The following CYP2C19 variants were observed in gnomAD, a reference collection of about 807,000 sequenced individuals.
CYP2C19 encodes the protein cytochrome P450 family 2 subfamily C member 19, also known as cytochrome P450 2C19.
A neutral mutation model predicts 40.9 loss-of-function variants in CYP2C19; 59 were observed. The ratio of observed to expected loss-of-function variants is 1.44; its 90% CI spans 1.17 to 1.79. The LOEUF (loss-of-function observed/expected upper bound fraction) is 1.79, where lower values mean the gene tolerates loss of function less well. CYP2C19 is among the 40% of genes most tolerant of loss of function. CYP2C19 has a pLI of 0.00. For missense variants in CYP2C19, 754 were observed against 596.9 expected, an observed-to-expected ratio of 1.26 and a Z score of -2.74; for synonymous variants, 253 against 208.7, an observed-to-expected ratio of 1.21 and a Z score of -1.83.
At chr10:94,771,979 A>G (rs1414307876) in intron 1 of CYP2C19, among the ~76,000 whole-genome samples, 1 of 152,166 alleles carries the variant, frequency 6.6e-6, no homozygotes, top group African/African-American at 2.4e-5. Context: ...GAGGACTGAG[A>G]AAAATCAGAT....
At position 94,853,341 on chromosome 10, in the gene CYP2C19, G is replaced by C. The variant is rs577576114; in HGVS notation, c.*427G>C. On this transcript the variant is annotated 3_prime_UTR_variant, in exon 9 of 9. Coordinates refer to ENST00000371321, the MANE Select transcript of CYP2C19 (RefSeq NM_000769.4). ...AAATAGAGTTCCAGGAGGCCATGCT[G>C]GTTCTCAAAACGATAAGGACAGAAA... The C allele has an allele frequency of 7.0e-5, 28 of 402,088 alleles. No homozygotes were observed. The highest frequency in any genetic ancestry group is 5.7e-4 in the Admixed American group (15 of 26,516). 24.9% of individuals were successfully genotyped at this position (402,088 alleles called of 1,614,324 possible).
chr10:94,787,608 C>A (rs539246362), intron 5 of CYP2C19, among the ~76,000 whole-genome samples: 120 of 152,074 alleles, frequency 7.9e-4, no homozygotes, highest in African/African-American at 2.7e-3. Flanking sequence ...ATATTTTTTT[C>A]TATAGGATTG....
chr10:94,852,597 C>T, intron 8 of CYP2C19, 136 bp from the exon 9 acceptor site: 1 of 867,026 alleles, frequency 1.2e-6, no homozygotes, highest in Non-Finnish European at 1.8e-6. Flanking sequence ...CCCAACCACC[C>T]ATCTATCTAC....
At chr10:94,785,897 T>C (rs1465494202) in intron 5 of CYP2C19, among the ~76,000 whole-genome samples, 1 of 152,052 alleles carries the variant, frequency 6.6e-6, no homozygotes, top group Non-Finnish European at 1.5e-5. Flanking sequence ...GGAAAGTCCA[T>C]TTGCATAATA....
chr10:94,762,959 T>C (rs1360962597), intron 1 of CYP2C19, 86 bp downstream of exon 1: 2 of 1,351,204 alleles, frequency 1.5e-6, no homozygotes, highest in Non-Finnish European at 2.1e-6. Context: ...AGGTACAATG[T>C]TACAAGAGAT....
At chr10:94,765,799 T>A (rs1355196983) in intron 1 of CYP2C19, among the ~76,000 whole-genome samples, 5 of 152,220 alleles carry the variant, frequency 3.3e-5, no homozygotes, top group Non-Finnish European at 5.9e-5. Context: ...TTTGAGTGAC[T>A]CAGAAGTTAC....
rs1051650897 is a variant in CYP2C19, at chr10:94,771,609, G to T, written c.169-3449G>T. ...TTTGTGAGTCAAATTGGTCCCAATG[G>T]CTTAGGATGCATTTCAAGGGTGAGC... On this transcript the variant is annotated intron_variant, in intron 1 of 8. Coordinates refer to ENST00000371321, the MANE Select transcript of CYP2C19 (RefSeq NM_000769.4). Among the ~76,000 whole-genome samples the T allele has an allele frequency of 2.0e-5, 3 of 152,052 alleles. No individual in the cohort carries two copies. The South Asian group carries it at 6.2e-4, about 32-fold the overall frequency.
At chr10:94,786,368 C>T (rs991358952) in intron 5 of CYP2C19, among the ~76,000 whole-genome samples, 1 of 152,038 alleles carries the variant, frequency 6.6e-6, no homozygotes, top group Non-Finnish European at 1.5e-5. Flanking sequence ...AATCCTGGAA[C>T]ATTGAAGAGT....
chr10:94,815,721 A>G (rs1396843548), intron 5 of CYP2C19, among the ~76,000 whole-genome samples: 3 of 152,166 alleles, frequency 2.0e-5, no homozygotes, highest in African/African-American at 4.8e-5. Flanking sequence ...GTTGCCTCCC[A>G]TATAGATTAC....
intron 6 of CYP2C19, among the ~76,000 whole-genome samples, chr10:94,838,549 TCTC>T (rs1360677638): frequency 6.6e-6 from 1 of 152,108 alleles, no homozygotes; most frequent in Non-Finnish European, 1.5e-5. Context: ...TGGGCCGAAT[TCTC>T]CTCCTCCCTC....
chr10:94,778,505 A>C (rs1848439961), intron 3 of CYP2C19, among the ~76,000 whole-genome samples: 2 of 152,186 alleles, frequency 1.3e-5, no homozygotes, highest in South Asian at 4.1e-4. Context: ...GTGGCCAACA[A>C]ACATATGAAA....
rs1327948685 is a variant in CYP2C19, at chr10:94,852,936, G to T, written c.*22G>T. On this transcript the variant is annotated 3_prime_UTR_variant, in exon 9 of 9. Transcript: ENST00000371321. ...CTGAAGAAGCACAGATGGTCTGGCTGCTCCTGTGCTGTCCCTGCAGCTCTC... is the reference window on the plus strand; with the variant it reads ...CTGAAGAAGCACAGATGGTCTGGCTTCTCCTGTGCTGTCCCTGCAGCTCTC... The T allele has an allele frequency of 1.9e-6, 3 of 1,612,808 alleles. No individual in the cohort carries two copies. The South Asian group carries it at 3.3e-5, about 18-fold the overall frequency.
At chr10:94,842,120 C>T (rs1589376270) in intron 6 of CYP2C19, among the ~76,000 whole-genome samples, 1 of 152,040 alleles carries the variant, frequency 6.6e-6, no homozygotes, top group East Asian at 1.9e-4. Flanking sequence ...TGTATTGGGG[C>T]CTATCTCTCT....
intron 5 of CYP2C19, among the ~76,000 whole-genome samples, chr10:94,791,170 A>AT (rs1848600556): frequency 6.6e-6 from 1 of 152,146 alleles, no homozygotes; most frequent in African/African-American, 2.4e-5. Context: ...TGTTTATAGT[A>AT]ATCTCTGATG....
chr10:94,768,825 T>A (rs1202043434), intron 1 of CYP2C19, among the ~76,000 whole-genome samples: 1 of 152,102 alleles, frequency 6.6e-6, no homozygotes, highest in African/African-American at 2.4e-5. Flanking sequence ...TAAAGAGTTT[T>A]GTCCTGTGGG....
chr10:94,820,741 A>T, intron 6 of CYP2C19, 104 bp downstream of exon 6: 8 of 1,434,316 alleles, frequency 5.6e-6, no homozygotes, highest in Non-Finnish European at 7.8e-6. Flanking sequence ...CATTATTTAA[A>T]TTTCTGTGCC....
intron 7 of CYP2C19, among the ~76,000 whole-genome samples, 189 bp from the exon 8 acceptor site, chr10:94,849,728 G>A (rs923663916): frequency 6.8e-6 from 1 of 146,362 alleles, no homozygotes; most frequent in Admixed American, 7.2e-5. Context: ...ATTTTAGCAA[G>A]ATTATTGTCA....
chr10:94,794,199 G>A (rs1188822437), intron 5 of CYP2C19, among the ~76,000 whole-genome samples: 1 of 152,142 alleles, frequency 6.6e-6, no homozygotes, highest in African/African-American at 2.4e-5. Flanking sequence ...ATTTGCTAAG[G>A]CCATTGGAAA....
At position 94,854,050 on chromosome 10, in the gene CYP2C19, C is replaced by A. The variant is rs1849696571; in HGVS notation, c.*1136C>A. On this transcript the variant is annotated 3_prime_UTR_variant, in exon 9 of 9. Coordinates refer to ENST00000371321, the MANE Select transcript of CYP2C19 (RefSeq NM_000769.4). ...CTTTTTTTTTTGAAATGGAGTCCCA[C>A]TTTTGTTCCCCAGGCTGGAGTGCAA... Among the ~76,000 whole-genome samples the A allele has an allele frequency of 6.6e-6, 1 of 150,790 alleles. No homozygotes were observed. Among genetic ancestry groups the A allele is most frequent in the South Asian group, 2.1e-4 (1 of 4,752 alleles).
Sources: gnomAD v4.1 joint callset for allele counts (sites outside exome capture counted in the v4.1 genomes callset) on GRCh38, gnomAD v4.1.1 for gene constraint, MANE v1.5 for transcripts, NCBI Gene and HGNC (gene_info 2026-07-23, HGNC 2026-07-21) for gene names.